The following CDH16 variants were observed in gnomAD, a reference collection of about 807,000 sequenced individuals.
CDH16 encodes cadherin-16.
In CDH16, 79 loss-of-function variants were observed where a neutral mutation model predicts 87.6. The ratio of observed to expected loss-of-function variants is 0.90; its 90% CI spans 0.75 to 1.09. The LOEUF (loss-of-function observed/expected upper bound fraction) is 1.09, where lower values mean the gene tolerates loss of function less well. Among genes scored for constraint, CDH16 ranks in the 50% least tolerant of loss-of-function variants. CDH16 has a pLI of 0.00. For synonymous variants in CDH16, 457 were observed against 439.5 expected, an observed-to-expected ratio of 1.04 and a Z score of -0.50; for missense variants, 1,124 against 1,071.7, an observed-to-expected ratio of 1.05 and a Z score of -0.68.
rs78537072 is a variant in CDH16, at chr16:66,916,530, C to G, written c.130-101G>C. On this transcript the variant is annotated intron_variant, in intron 3 of 17. Transcript: ENST00000299752. This position sits in a 1 kb window ranked among gnomAD's most constrained non-coding sequence, Gnocchi z 4.1. ...TTTTACATGTGGGGAAACTGAGTCT[C>G]AGAGACATCTGGCTCCTGTCAGAGG... 12,370 of 1,333,284 alleles carry G rather than the reference C, an allele frequency of 9.3e-3. 402 individuals carry two copies. In the South Asian group the frequency reaches 0.093, roughly 10 times the overall value. 82.6% of individuals were successfully genotyped at this position (1,333,284 alleles called of 1,614,324 possible). A position where few individuals can be genotyped will look rare whatever the true frequency, so the allele number is the denominator to read the frequency against.
Position 66,916,315 on chromosome 16 carries a change from T to C in CDH16, c.244A>G (p.Arg82Gly). The change falls in exon 4 of 18, where the codon AGG becomes GGG. Residue 82 changes from arginine (R) to glycine (G), a missense_variant. By Grantham distance (125) the Arg-to-Gly change is moderately radical (BLOSUM62 -2). Coordinates refer to ENST00000299752, the MANE Select transcript of CDH16 (RefSeq NM_004062.4). The surrounding 1 kb of genome is among the most constrained non-coding windows in gnomAD (Gnocchi z 4.1). The stretch of plus-strand genomic sequence containing the variant: ...GCCTGCTCCTCTCGGTCCAGGGCCC[T>C]GGTCACCAGCAGGAAGCCAGAATCT... ...DPDSGFLLVTRALDREEQAEY... is the reference protein window; with the variant it reads ...DPDSGFLLVTGALDREEQAEY... The C allele has an allele frequency of 6.2e-7, 1 of 1,614,118 alleles. No homozygotes were observed. The highest frequency in any genetic ancestry group is 8.5e-7 in the Non-Finnish European group (1 of 1,179,950).
chr16:66,915,319 C>G lies in CDH16; in HGVS notation c.484G>C (p.Asp162His), dbSNP rs767034742. 5.6e-6 allele frequency: 9 copies of G among 1,613,886 alleles called. No homozygotes were observed. In the South Asian group the frequency reaches 9.9e-5, roughly 18 times the overall value. Residue 162 changes from aspartate (D) to histidine (H), a missense_variant, in exon 6 of 18, where the codon GAT becomes CAT. Asp to His is a moderately conservative substitution (Grantham distance 81). Transcript: ENST00000299752. Reference protein sequence around the residue: ...DRDEPGTANSDLRFHILSQAP... With the variant: ...DRDEPGTANSHLRFHILSQAP... The stretch of plus-strand genomic sequence containing the variant: ...TGGCTCAGGATGTGGAATCGAAGAT[C>G]CGAGTTGGCTGTGCCTGGCTCATCC...
Position 66,912,831 on chromosome 16 carries a change from TG to T in CDH16, c.1114del (p.His372ThrfsTer7). The T allele has an allele frequency of 6.2e-7, 1 of 1,613,420 alleles. No individual in the cohort carries two copies. The highest frequency in any genetic ancestry group is 8.5e-7 in the Non-Finnish European group (1 of 1,179,954). On this transcript the variant is annotated frameshift_variant, in exon 10 of 18. Transcript: ENST00000299752. LOFTEE classifies it high-confidence loss of function. ...AGGGCTCAGGAGCTGATACACAACG[TG>T]GGAATTGGGGGAGCCGGGGGCATCT... is the stretch of plus-strand genomic sequence containing the variant. ...DADAPGSPNS[H>X]VVYQLLSPEP...
At position 66,913,599 on chromosome 16, in the gene CDH16, C is replaced by G. The variant is rs752919565; in HGVS notation, c.795G>C (p.Gly265=). The change falls in exon 8 of 18, where the codon GGG becomes GGC. Residue 265 remains glycine, a synonymous_variant. Transcript: ENST00000299752. ...TCTCCAGGTGATAGTGCACATCACCCCCACTCCAGTGTACCTGGGGGGGAC... is the reference window on the plus strand; with the variant it reads ...TCTCCAGGTGATAGTGCACATCACCGCCACTCCAGTGTACCTGGGGGGGAC... ...PHHMAQVHWS[G]GDVHYHLESH... 6.8e-6 allele frequency: 11 copies of G among 1,614,026 alleles called. No homozygotes were observed. The highest frequency in any genetic ancestry group is 9.3e-6 in the Non-Finnish European group (11 of 1,179,958).
chr16:66,910,130 C>T, intron 15 of CDH16, 37 bp from the exon 16 acceptor site: 1 of 1,585,430 alleles, frequency 6.3e-7, no homozygotes, highest in Non-Finnish European at 8.6e-7. Flanking sequence ...GGTCACCAGC[C>T]TGGACAGGCC....
Position 66,909,230 on chromosome 16 carries a change from G to A in CDH16, c.2392+37C>T, listed in dbSNP as rs562916620. The A allele has an allele frequency of 2.6e-5, 34 of 1,296,984 alleles. No individual in the cohort carries two copies. The highest frequency in any genetic ancestry group is 7.3e-5 in the African/African-American group (5 of 68,954). 80.3% of individuals were successfully genotyped at this position (1,296,984 alleles called of 1,614,324 possible). On this transcript the variant is annotated intron_variant, in intron 17 of 17. Transcript: ENST00000299752. This position sits in a 1 kb window ranked among gnomAD's most constrained non-coding sequence, Gnocchi z 4.1. ...GAGGCTGTGGTCCCAACCACCCATC[G>A]CCCTCGCCCACGCAGGTAATGTCCA...
At chr16:66,910,882 C>T in intron 14 of CDH16, 1 of 407,552 alleles carries the variant, frequency 2.5e-6, no homozygotes, top group Non-Finnish European at 4.4e-6. Context: ...CTCCCCGGCC[C>T]TATACCAGTC....
At chr16:66,917,553 AAC>A (rs1962733364) in intron 3 of CDH16, 87 bp downstream of exon 3, 1 of 901,570 alleles carries the variant, frequency 1.1e-6, no homozygotes, top group African/African-American at 1.6e-5. Flanking sequence ...TTCAAAGAGA[AAC>A]AGCAAGAGGA....
chr16:66,910,252 C>A lies in CDH16; in HGVS notation c.2167+8G>T. On this transcript the variant is annotated splice_region_variant and intron_variant, in intron 15 of 17. Transcript: ENST00000299752. Reference sequence around the variant, plus strand: ...GCCACAGCCTCCCTCCCTTTCCCCACCACACACCATTGAGAGTCTGGAGGC... The same window carrying A: ...GCCACAGCCTCCCTCCCTTTCCCCAACACACACCATTGAGAGTCTGGAGGC... The A allele has an allele frequency of 6.3e-7, 1 of 1,586,044 alleles. No homozygotes were observed. Among genetic ancestry groups the A allele is most frequent in the Non-Finnish European group, 8.6e-7 (1 of 1,163,900 alleles).
intron 9 of CDH16, 97 bp from the exon 10 acceptor site, chr16:66,912,988 G>T: frequency 7.2e-7 from 1 of 1,387,804 alleles, no homozygotes; most frequent in Non-Finnish European, 1.0e-6. Context: ...CTGAATTTGA[G>T]CTCGTGTGTG....
chr16:66,910,067 G>T lies in CDH16; in HGVS notation c.2194C>A (p.Leu732Met). ...TGTTCACGTGGCTCCACCCAATGCAGGGCCAAGGTGAGGTAGGCATGGGAA... is the reference window on the plus strand; with the variant it reads ...TGTTCACGTGGCTCCACCCAATGCATGGCCAAGGTGAGGTAGGCATGGGAA... ...NGSHAYLTLALHWVEPREHII... is the reference protein window; with the variant it reads ...NGSHAYLTLAMHWVEPREHII... Residue 732 changes from leucine to methionine, a missense_variant, in exon 16 of 18, where the codon CTG (leucine) becomes ATG (methionine). Physicochemically the swap from Leu to Met is conservative, Grantham distance 15. Coordinates refer to ENST00000299752, the MANE Select transcript of CDH16 (RefSeq NM_004062.4). 6.2e-7 allele frequency: 1 copy of T among 1,612,706 alleles called. No individual in the cohort carries two copies.
Position 66,916,170 on chromosome 16 carries a change from A to G in CDH16, c.319T>C (p.Trp107Arg). 1 of 1,614,254 alleles carries G rather than the reference A, an allele frequency of 6.2e-7. No homozygotes were observed. Among genetic ancestry groups the G allele is most frequent in the South Asian group, 1.1e-5 (1 of 91,086 alleles). ...TLEMQDGHVL[W>R]GPQPVLVHVK... ...TGCACAAGCACAGGCTGTGGACCCCACAAGACATGTCCATCCTGCATCTCC... is the reference window on the plus strand; with the variant it reads ...TGCACAAGCACAGGCTGTGGACCCCGCAAGACATGTCCATCCTGCATCTCC... Residue 107 changes from tryptophan (W) to arginine (R), a missense_variant, in exon 5 of 18, where the codon TGG (tryptophan) becomes CGG (arginine). Physicochemically the swap from Trp to Arg is moderately radical, Grantham distance 101. Coordinates refer to ENST00000299752, the MANE Select transcript of CDH16 (RefSeq NM_004062.4). The surrounding 1 kb of genome is among the most constrained non-coding windows in gnomAD (Gnocchi z 4.1).
Position 66,909,401 on chromosome 16 carries a change from G to T in CDH16, c.2276-18C>A. 4 of 660,156 alleles carry T rather than the reference G, an allele frequency of 6.1e-6. No homozygotes were observed. The highest frequency in any genetic ancestry group is 7.8e-6 in the Non-Finnish European group (3 of 383,024). 40.9% of individuals were successfully genotyped at this position (660,156 alleles called of 1,614,324 possible). ...CACGATCACTGAGGGGAGAGGGGAG[G>T]AAGGTAAGGGGAGGGAGGGGAGGGC... On this transcript the variant is annotated intron_variant, in intron 16 of 17. Transcript: ENST00000299752. The surrounding 1 kb of genome is among the most constrained non-coding windows in gnomAD (Gnocchi z 4.1).
chr16:66,912,902 A>AGCACCC lies in CDH16; in HGVS notation c.1055-17_1055-12dup. 6.2e-7 allele frequency: 1 copy of AGCACCC among 1,605,262 alleles called. No homozygotes were observed. The highest frequency in any genetic ancestry group is 2.2e-5 in the East Asian group (1 of 44,840). Reference sequence around the variant, plus strand: ...TAGTCACTTCAGTACCTGCCAAGACAGCACCCGCCTGGATAGGACCACAGC... The same window carrying AGCACCC: ...TAGTCACTTCAGTACCTGCCAAGACAGCACCCGCACCCGCCTGGATAGGACCACAGC... On this transcript the variant is annotated splice_polypyrimidine_tract_variant and intron_variant, in intron 9 of 17. Transcript: ENST00000299752.
Position 66,909,156 on chromosome 16 carries a change from C to T in CDH16, c.2392+111G>A. On this transcript the variant is annotated intron_variant, in intron 17 of 17. Transcript: ENST00000299752. This position sits in a 1 kb window ranked among gnomAD's most constrained non-coding sequence, Gnocchi z 4.1. ...GCATAATGACTAGGAGAGTTGGGGGCTTCCTTTTTCAGAGCTAGGGGCACC... is the reference window on the plus strand; with the variant it reads ...GCATAATGACTAGGAGAGTTGGGGGTTTCCTTTTTCAGAGCTAGGGGCACC... 4.1e-6 allele frequency: 3 copies of T among 738,926 alleles called. No homozygotes were observed. The highest frequency in any genetic ancestry group is 7.4e-6 in the Non-Finnish European group (3 of 407,306). The allele number at this position is 738,926 out of a possible 1,614,324, so 45.8% of individuals were successfully genotyped here.
In CDH16 at chr16:66,910,031, C is replaced by CGGGGATTAT. The variant is rs1220402819; in HGVS notation, c.2221_2229dup (p.Ile741_Pro743dup). On this transcript the variant is annotated inframe_insertion, in exon 16 of 18. Transcript: ENST00000299752. ...ATCTGGGCATTGTGGCTGACCACCACGGGGATTATGTGTTCACGTGGCTCC... is the reference window on the plus strand; with the variant it reads ...ATCTGGGCATTGTGGCTGACCACCACGGGGATTATGGGGATTATGTGTTCACGTGGCTCC... The CGGGGATTAT allele has an allele frequency of 1.2e-6, 2 of 1,612,584 alleles. No individual in the cohort carries two copies. Among genetic ancestry groups the CGGGGATTAT allele is most frequent in the African/African-American group, 2.7e-5 (2 of 74,914 alleles).
Position 66,911,905 on chromosome 16 carries a change from G to T in CDH16, c.1784C>A (p.Thr595Asn). 1 of 1,596,514 alleles carries T rather than the reference G, an allele frequency of 6.3e-7. No homozygotes were observed. The highest frequency in any genetic ancestry group is 8.6e-7 in the Non-Finnish European group (1 of 1,168,352). ...GGCTGGGATTTTAGCTCACCTGAGG[G>T]TTCGGCTGATGGGGTCGGAGGGCTG... ...TIQPSDPISR[T>N]LRFSLVNDSE... is the part of the protein sequence containing the mutation. Residue 595 changes from threonine (T) to asparagine (N), a missense_variant, in exon 13 of 18, where the codon ACC becomes AAC. Coordinates refer to ENST00000299752, the MANE Select transcript of CDH16 (RefSeq NM_004062.4).
intron 15 of CDH16, 48 bp from the exon 16 acceptor site, chr16:66,910,141 C>G: frequency 6.4e-7 from 1 of 1,573,678 alleles, no homozygotes; most frequent in Non-Finnish European, 8.6e-7. Context: ...TGGACAGGCC[C>G]TCTGGGGGCT....
At chr16:66,915,129 A>C in intron 6 of CDH16, 91 bp downstream of exon 6, 2 of 1,291,724 alleles carry the variant, frequency 1.5e-6, no homozygotes, top group East Asian at 2.4e-5. Context: ...TTACCTCTCA[A>C]GCTCCCACCC....
Sources: gnomAD v4.1 joint callset for allele counts on GRCh38, gnomAD v4.1.1 for gene constraint, Gnocchi (gnomAD v3.1) non-coding constraint, MANE v1.5 for transcripts, NCBI Gene and HGNC (gene_info 2026-07-23, HGNC 2026-07-21) for gene names.